Variants in GRID1 observed in about 807,000 individuals in gnomAD.
The protein encoded by GRID1 is glutamate receptor ionotropic, delta-1.
Under a neutral mutation model 98.0 loss-of-function variants are expected in GRID1, and 28 were observed. That is an observed-to-expected ratio of 0.29 (90% confidence interval 0.21 to 0.39). The LOEUF is 0.39. Ranked by LOEUF, GRID1 falls within the 10% of genes least tolerant of loss-of-function variation. The pLI is 1.00. For synonymous variants in GRID1, 553 were observed against 538.5 expected (o/e 1.03, Z -0.37); for missense variants, 1,111 against 1,340.5 (o/e 0.83, Z 2.67).
intron 5 of GRID1, among the ~76,000 whole-genome samples, chr10:85,875,417 C>T (rs914443826): frequency 6.6e-6 from 1 of 151,928 alleles, no homozygotes; most frequent in Non-Finnish European, 1.5e-5. Context: ...TGCCTGTAAA[C>T]CTAATATACT....
intron 8 of GRID1, among the ~76,000 whole-genome samples, chr10:85,765,173 C>CT (rs1282332933): frequency 2.0e-5 from 3 of 152,102 alleles, no homozygotes; most frequent in Admixed American, 2.0e-4. Flanking sequence ...AGTTGAATAA[C>CT]TAGTCCATGG....
Position 85,727,994 on chromosome 10 carries a change from C to G in GRID1, c.1394G>C (p.Gly465Ala), listed in dbSNP as rs757373911. ...TGCATCCAGGACATCTATGGAGAAC[C>G]CTTTGTAGCGCTTGGGCTGTCCTAG... ...NILGQPKRYK[G>A]FSIDVLDALA... The change falls in exon 10 of 16, where the codon GGG (glycine) becomes GCG (alanine). Residue 465 changes from glycine to alanine, a missense_variant. Gly to Ala is a moderately conservative substitution (Grantham distance 60). Transcript: ENST00000327946. 1 of 1,613,834 alleles carries G rather than the reference C, an allele frequency of 6.2e-7. No individual in the cohort carries two copies. The highest frequency in any genetic ancestry group is 8.5e-7 in the Non-Finnish European group (1 of 1,179,794).
chr10:85,818,725 A>ATTT (rs199713936), intron 8 of GRID1, among the ~76,000 whole-genome samples: 2 of 148,508 alleles, frequency 1.3e-5, no homozygotes, highest in African/African-American at 4.9e-5. Context: ...AGCAATAGTA[A>ATTT]TTTTTTTTTT....
chr10:86,254,702 A>G (rs1278924819), intron 2 of GRID1, among the ~76,000 whole-genome samples: 3 of 152,162 alleles, frequency 2.0e-5, no homozygotes, highest in Admixed American at 6.5e-5. Flanking sequence ...GTAGGCTTCC[A>G]GCTGTGCTGC....
At position 85,815,025 on chromosome 10, in the gene GRID1, C is replaced by T. The variant is rs368688806; in HGVS notation, c.1233+39471G>A. ...CAAAATACCAGCAAACTGAAAGGAG[C>T]CACATATAAAAAAGATAATACATCA... On this transcript the variant is annotated intron_variant, in intron 8 of 15. Transcript: ENST00000327946. Among the ~76,000 whole-genome samples the T allele has an allele frequency of 5.9e-5, 9 of 152,008 alleles. No individual in the cohort carries two copies. The South Asian group carries it at 1.5e-3, about 25-fold the overall frequency.
chr10:86,331,095 G>A (rs1040172309), intron 2 of GRID1, among the ~76,000 whole-genome samples: 2 of 152,272 alleles, frequency 1.3e-5, no homozygotes, highest in Non-Finnish European at 2.9e-5. Context: ...GGCACATGCA[G>A]GAGGCATCTG....
chr10:85,716,980 C>CT (rs1209105059), intron 12 of GRID1, among the ~76,000 whole-genome samples: 1 of 151,938 alleles, frequency 6.6e-6, no homozygotes, highest in Non-Finnish European at 1.5e-5. Flanking sequence ...GAATTATGAG[C>CT]TTTTTGTCAA....
At chr10:85,995,381 G>C (rs755999561) in intron 4 of GRID1, among the ~76,000 whole-genome samples, 1 of 152,190 alleles carries the variant, frequency 6.6e-6, no homozygotes. Context: ...TTAGTTTTCA[G>C]GGTCTCCAGC....
Position 86,365,678 on chromosome 10 carries a change from C to A in GRID1, c.79+636G>T, listed in dbSNP as rs1848666980. Among the ~76,000 whole-genome samples, 1 of 151,954 alleles carries A rather than the reference C, an allele frequency of 6.6e-6. No homozygotes were observed. Among genetic ancestry groups the A allele is most frequent in the East Asian group, 1.9e-4 (1 of 5,154 alleles). On this transcript the variant is annotated intron_variant, in intron 1 of 15. Coordinates refer to ENST00000327946, the MANE Select transcript of GRID1 (RefSeq NM_017551.3). The surrounding 1 kb of genome is among the most constrained non-coding windows in gnomAD (Gnocchi z 4.8). ...CAGTCGCCACAACCAGATACACACG[C>A]ACTCACACATACACCAAGGGCTACA...
chr10:85,837,687 G>C (rs72842915), intron 8 of GRID1, among the ~76,000 whole-genome samples: 3 of 150,570 alleles, frequency 2.0e-5, no homozygotes, highest in African/African-American at 7.3e-5. Flanking sequence ...ATTGAAGTTA[G>C]ATAAGCCCAC....
Position 85,729,541 on chromosome 10 carries a change from C to G in GRID1, c.1307G>C (p.Gly436Ala). The G allele has an allele frequency of 2.5e-6, 4 of 1,611,848 alleles. No homozygotes were observed. Among genetic ancestry groups the G allele is most frequent in the Non-Finnish European group, 3.4e-6 (4 of 1,178,080 alleles). The change falls in exon 9 of 16, where the codon GGA becomes GCA. Residue 436 changes from glycine (G) to alanine (A), a missense_variant. Transcript: ENST00000327946. Reference protein sequence around the residue: ...QERPMGSRLQGLTLKVVTVLE... With the variant: ...QERPMGSRLQALTLKVVTVLE... ...GACAGTCACCACTTTAAGAGTCAAT[C>G]CTTGGAGGCGGCTGCCCATGGGCCT...
At chr10:85,607,477 C>A (rs753688731) in intron 15 of GRID1, among the ~76,000 whole-genome samples, 4 of 152,196 alleles carry the variant, frequency 2.6e-5, no homozygotes, top group Non-Finnish European at 5.9e-5. Context: ...CCAACCCCAA[C>A]GGGCCGGGCT....
chr10:85,807,882 G>T (rs1346334752), intron 8 of GRID1, among the ~76,000 whole-genome samples: 1 of 152,100 alleles, frequency 6.6e-6, no homozygotes, highest in Non-Finnish European at 1.5e-5. Flanking sequence ...ACATAGTCAA[G>T]AGAAACTCTT....
At chr10:86,345,721 A>T (rs1365468397) in intron 2 of GRID1, among the ~76,000 whole-genome samples, 1 of 152,022 alleles carries the variant, frequency 6.6e-6, no homozygotes, top group African/African-American at 2.4e-5. Flanking sequence ...AGCCCCAGCG[A>T]TGTCCCCTCC....
At chr10:86,252,956 A>G (rs571388257) in intron 2 of GRID1, among the ~76,000 whole-genome samples, 3 of 152,350 alleles carry the variant, frequency 2.0e-5, no homozygotes, top group East Asian at 3.9e-4. Context: ...TGACAGAACC[A>G]GGGGCTCTGG....
At chr10:85,780,661 A>G (rs1842373421) in intron 8 of GRID1, among the ~76,000 whole-genome samples, 1 of 152,176 alleles carries the variant, frequency 6.6e-6, no homozygotes, top group Non-Finnish European at 1.5e-5. Flanking sequence ...CTTCTGAGCC[A>G]GCTTCCTGAA....
chr10:85,629,393 C>G (rs1044983287), intron 13 of GRID1, among the ~76,000 whole-genome samples: 1 of 150,832 alleles, frequency 6.6e-6, no homozygotes, highest in Admixed American at 6.6e-5. Flanking sequence ...CACCCTCCCA[C>G]CTTTCCAAGT....
At chr10:86,362,265 G>A (rs1230781183) in intron 2 of GRID1, among the ~76,000 whole-genome samples, 1 of 152,196 alleles carries the variant, frequency 6.6e-6, no homozygotes, top group African/African-American at 2.4e-5. Context: ...CCCATTTAGG[G>A]TTCCTTCCGC....
chr10:85,639,950 T>A (rs1440073585), intron 13 of GRID1, among the ~76,000 whole-genome samples: 1 of 152,130 alleles, frequency 6.6e-6, no homozygotes, highest in Admixed American at 6.5e-5. Context: ...GCTGAACATA[T>A]ACCTTGTGCT....
Sources: allele counts gnomAD v4.1 joint callset (sites outside exome capture counted in the v4.1 genomes callset), GRCh38; gene constraint gnomAD v4.1.1; non-coding constraint Gnocchi (gnomAD v3.1); transcripts MANE v1.5; gene names NCBI Gene and HGNC (gene_info 2026-07-23, HGNC 2026-07-21).